Variants in PXDNL observed in about 807,000 individuals in gnomAD.
PXDNL encodes probable oxidoreductase PXDNL.
PXDNL carries 145 observed loss-of-function variants against 150.8 expected under a neutral mutation model. The observed-to-expected ratio is 0.96, with a 90% confidence interval of 0.84 to 1.10. The LOEUF is 1.10. Among genes scored for constraint, PXDNL ranks in the 50% least tolerant of loss-of-function variants. The pLI, the probability that PXDNL is intolerant of heterozygous loss-of-function variation, is 0.00. For missense variants in PXDNL, 2,087 were observed against 1,873.9 expected, an observed-to-expected ratio of 1.11 and a Z score of -2.10; for synonymous variants, 757 against 725.7, an observed-to-expected ratio of 1.04 and a Z score of -0.69.
At chr8:51,613,032 T>A (rs1315885668) in intron 2 of PXDNL, among the ~76,000 whole-genome samples, 1 of 152,128 alleles carries the variant, frequency 6.6e-6, no homozygotes, top group Non-Finnish European at 1.5e-5. Context: ...GTAAGGCAGA[T>A]GCCGCAAGGA....
chr8:51,384,588 T>C (rs1365301870), intron 17 of PXDNL, among the ~76,000 whole-genome samples: 1 of 152,068 alleles, frequency 6.6e-6, no homozygotes, highest in African/African-American at 2.4e-5. Context: ...TAGAAAACTA[T>C]ATATAAAGCT....
At chr8:51,451,054 T>G (rs902004438) in intron 10 of PXDNL, among the ~76,000 whole-genome samples, 14 of 152,126 alleles carry the variant, frequency 9.2e-5, no homozygotes, top group African/African-American at 3.4e-4. Context: ...AATGTAGTCC[T>G]GGTTCTAGTG....
chr8:51,433,039 G>A (rs184422173), intron 12 of PXDNL, among the ~76,000 whole-genome samples: 8 of 152,140 alleles, frequency 5.3e-5, no homozygotes, highest in Non-Finnish European at 1.2e-4. Context: ...GTAAAAACCT[G>A]TCTCTATTAA....
chr8:51,405,923 C>T (rs1808423524), intron 17 of PXDNL, among the ~76,000 whole-genome samples: 1 of 152,194 alleles, frequency 6.6e-6, no homozygotes, highest in African/African-American at 2.4e-5. Flanking sequence ...GTTTAGGCTG[C>T]ACAGACTCTT....
chr8:51,785,559 T>C (rs1382291619), intron 1 of PXDNL, among the ~76,000 whole-genome samples: 1 of 152,240 alleles, frequency 6.6e-6, no homozygotes, highest in Non-Finnish European at 1.5e-5. Context: ...ATTCTCCCAA[T>C]ATTTCAAATG....
At chr8:51,435,897 C>T (rs1368464637) in intron 12 of PXDNL, 1 of 471,960 alleles carries the variant, frequency 2.1e-6, no homozygotes, top group Admixed American at 2.4e-5. Context: ...GGATCGTAAG[C>T]ATAAATAATT....
chr8:51,659,565 G>A (rs911038896), intron 1 of PXDNL, among the ~76,000 whole-genome samples: 1 of 152,144 alleles, frequency 6.6e-6, no homozygotes, highest in Non-Finnish European at 1.5e-5. Flanking sequence ...CTAGCTCCAC[G>A]CGAACTATCA....
chr8:51,346,681 A>C (rs2130704134), intron 19 of PXDNL, among the ~76,000 whole-genome samples: 1 of 152,076 alleles, frequency 6.6e-6, no homozygotes, highest in Non-Finnish European at 1.5e-5. Context: ...GTTCTTGGAG[A>C]TCTGTCGTTT....
At chr8:51,356,009 G>T (rs757552572) in intron 19 of PXDNL, among the ~76,000 whole-genome samples, 1 of 152,212 alleles carries the variant, frequency 6.6e-6, no homozygotes, top group Non-Finnish European at 1.5e-5. Flanking sequence ...TCACATGGTG[G>T]GGTGAGGAAA....
chr8:51,326,884 C>G, intron 21 of PXDNL, among the ~76,000 whole-genome samples: 2 of 152,126 alleles, frequency 1.3e-5, no homozygotes, highest in Admixed American at 1.3e-4. Flanking sequence ...GCAGATGTAA[C>G]TAGTTATGAT....
At chr8:51,603,522 C>T (rs1813773502) in intron 2 of PXDNL, among the ~76,000 whole-genome samples, 1 of 151,930 alleles carries the variant, frequency 6.6e-6, no homozygotes, top group African/African-American at 2.4e-5. Context: ...TAACAGATGA[C>T]TTTTTGAATA....
intron 1 of PXDNL, among the ~76,000 whole-genome samples, chr8:51,775,183 T>C (rs1318933930): frequency 1.3e-5 from 2 of 152,196 alleles, no homozygotes; most frequent in Non-Finnish European, 2.9e-5. Flanking sequence ...TTATTACAAA[T>C]TTATAGGCTG....
At chr8:51,499,947 C>T (rs912779929) in intron 4 of PXDNL, among the ~76,000 whole-genome samples, 177 bp from the exon 5 acceptor site, 3 of 152,082 alleles carry the variant, frequency 2.0e-5, no homozygotes, top group South Asian at 2.1e-4. Context: ...GTCACAGTCC[C>T]GGGTCTAAAA....
At chr8:51,359,731 T>G (rs1806650983) in intron 19 of PXDNL, among the ~76,000 whole-genome samples, 1 of 152,310 alleles carries the variant, frequency 6.6e-6, no homozygotes, top group South Asian at 2.1e-4. Flanking sequence ...GCTCTAATTC[T>G]GAACAAAAGA....
chr8:51,802,939 A>G (rs2037636144), intron 1 of PXDNL, among the ~76,000 whole-genome samples: 2 of 152,364 alleles, frequency 1.3e-5, no homozygotes, highest in South Asian at 2.1e-4. Flanking sequence ...TTCACTGAAT[A>G]AAACAAAACT....
intron 1 of PXDNL, among the ~76,000 whole-genome samples, chr8:51,743,997 GAA>G (rs2036937739): frequency 8.6e-6 from 1 of 116,344 alleles, no homozygotes; most frequent in East Asian, 2.6e-4. Context: ...AGGTGAGAGA[GAA>G]AGGAGAGAGA....
chr8:51,481,480 A>G (rs1810602351), intron 6 of PXDNL, among the ~76,000 whole-genome samples: 2 of 152,228 alleles, frequency 1.3e-5, no homozygotes, highest in Non-Finnish European at 2.9e-5. Flanking sequence ...AAGAAATTCA[A>G]GCTGGCTGCA....
chr8:51,329,283 G>A (rs75793145), intron 21 of PXDNL, among the ~76,000 whole-genome samples: 4,794 of 152,218 alleles, frequency 0.031, 240 homozygotes, highest in African/African-American at 0.11. Flanking sequence ...GACTCTCTCT[G>A]AGGAAGAATA....
chr8:51,353,622 AC>A lies in PXDNL; in HGVS notation c.3902-7676del, dbSNP rs556446656. Among the ~76,000 whole-genome samples, 74 of 152,260 alleles carry A rather than the reference AC, an allele frequency of 4.9e-4. 1 individual carries two copies. Among genetic ancestry groups the A allele is most frequent in the African/African-American group, 1.7e-3 (71 of 41,568 alleles). On this transcript the variant is annotated intron_variant, in intron 19 of 22. Coordinates refer to ENST00000356297, the MANE Select transcript of PXDNL (RefSeq NM_144651.5). Reference sequence around the variant, plus strand: ...TCTGGGAATTTTAGTGTTCCTAGTGACCTAGCATATAATCAATATTTGAGAA... The same window carrying A: ...TCTGGGAATTTTAGTGTTCCTAGTGACTAGCATATAATCAATATTTGAGAA...
Sources: gnomAD v4.1 joint callset for allele counts (sites outside exome capture counted in the v4.1 genomes callset) on GRCh38, gnomAD v4.1.1 for gene constraint, MANE v1.5 for transcripts, NCBI Gene and HGNC (gene_info 2026-07-23, HGNC 2026-07-21) for gene names.